The following LMX1B variants were observed in gnomAD, a reference collection of about 807,000 sequenced individuals.
The protein encoded by LMX1B is LIM homeobox transcription factor 1 beta, also known as LIM homeobox transcription factor 1-beta.
In LMX1B, 12 loss-of-function variants were observed where a neutral mutation model predicts 51.4. The observed-to-expected ratio is 0.23, with a 90% CI of 0.15 to 0.38. LMX1B has a LOEUF of 0.38. LMX1B is among the 10% of genes least tolerant of loss of function. The pLI is 1.00. For synonymous variants in LMX1B, 237 were observed against 235.4 expected (o/e 1.01, Z -0.06); for missense variants, 445 against 571.1 (o/e 0.78, Z 2.25).
At chr9:126,624,182 C>G (rs1330125149) in intron 2 of LMX1B, among the ~76,000 whole-genome samples, 2 of 152,228 alleles carry the variant, frequency 1.3e-5, no homozygotes, top group African/African-American at 4.8e-5. Context: ...GTCCAGGGCC[C>G]TGCAGCAGCT....
Position 126,699,827 on chromosome 9 carries a change from G to A in LMX1B, c.*3376G>A, listed in dbSNP as rs2030479698. On this transcript the variant is annotated 3_prime_UTR_variant, in exon 8 of 8. Coordinates refer to ENST00000373474, the MANE Select transcript of LMX1B (RefSeq NM_001174147.2). ...GCAACCTTCTCCCACTTTATGGGAG[G>A]AGCTGCAGCCTTGGCTGGGAGCTGG... The A allele has an allele frequency of 6.6e-6, 1 of 152,344 alleles. No individual in the cohort carries two copies. The highest frequency in any genetic ancestry group is 2.1e-4 in the South Asian group (1 of 4,832). The allele number at this position is 152,344 out of a possible 1,614,324, so 9.4% of individuals were successfully genotyped here.
At chr9:126,624,154 G>T (rs908962344) in intron 2 of LMX1B, among the ~76,000 whole-genome samples, 1 of 152,232 alleles carries the variant, frequency 6.6e-6, no homozygotes, top group Non-Finnish European at 1.5e-5. Flanking sequence ...CCTGGGACGC[G>T]CTAGGCTGAA....
chr9:126,617,276 C>G (rs1835320658), intron 2 of LMX1B, among the ~76,000 whole-genome samples: 1 of 151,898 alleles, frequency 6.6e-6, no homozygotes, highest in Non-Finnish European at 1.5e-5. Context: ...TGCCTGATCC[C>G]GAGCTCTGGC....
Position 126,676,074 on chromosome 9 carries a change from T to A in LMX1B, c.327-14762T>A, listed in dbSNP as rs1271692305. Among the ~76,000 whole-genome samples the A allele has an allele frequency of 2.0e-5, 3 of 150,808 alleles. No individual in the cohort carries two copies. The East Asian group carries it at 5.8e-4, about 29-fold the overall frequency. On this transcript the variant is annotated intron_variant, in intron 2 of 7. Coordinates refer to ENST00000373474, the MANE Select transcript of LMX1B (RefSeq NM_001174147.2). ...AAAAAAAAAAAAAAAAAATGTTCAG[T>A]AGACAGTGTGTAAGACCCTGCACAC... is the stretch of plus-strand genomic sequence containing the variant.
intron 2 of LMX1B, among the ~76,000 whole-genome samples, chr9:126,620,766 C>T (rs1333612395): frequency 6.6e-6 from 1 of 152,070 alleles, no homozygotes; most frequent in Admixed American, 6.5e-5. Context: ...GTATTTCCAC[C>T]GGGAAACAAT....
intron 2 of LMX1B, among the ~76,000 whole-genome samples, chr9:126,662,112 C>A (rs947366042): frequency 6.6e-6 from 1 of 152,200 alleles, no homozygotes; most frequent in Non-Finnish European, 1.5e-5. Context: ...AGACACAGGG[C>A]TGCTGCTACC....
chr9:126,648,906 C>T (rs767873949), intron 2 of LMX1B, among the ~76,000 whole-genome samples: 1 of 152,164 alleles, frequency 6.6e-6, no homozygotes, highest in African/African-American at 2.4e-5. Flanking sequence ...CAGAGCTCCA[C>T]CCGGATCAGG....
rs1564144996 is a variant in LMX1B at position 126,618,887 on chromosome 9, C to A, written c.326+3318C>A. On this transcript the variant is annotated intron_variant, in intron 2 of 7. Transcript: ENST00000373474. The surrounding 1 kb of genome is among the most constrained non-coding windows in gnomAD (Gnocchi z 4.5). ...CTCCCAGGTTTGGCGACCCGAGACC[C>A]GCTGGGGTGCAAGCGGGCGCCTTTG... Among the ~76,000 whole-genome samples the A allele has an allele frequency of 6.6e-6, 1 of 152,004 alleles. No individual in the cohort carries two copies.
At position 126,626,181 on chromosome 9, in the gene LMX1B, T is replaced by C. The variant is rs1835526347; in HGVS notation, c.326+10612T>C. On this transcript the variant is annotated intron_variant, in intron 2 of 7. Transcript: ENST00000373474. The surrounding 1 kb of genome is among the most constrained non-coding windows in gnomAD (Gnocchi z 4.3). Reference sequence around the variant, plus strand: ...ATTAGAACTCGTAGAGGATCCGCTCTGGAGTCCCCGTGCGCCCTGGCAGAG... The same window carrying C: ...ATTAGAACTCGTAGAGGATCCGCTCCGGAGTCCCCGTGCGCCCTGGCAGAG... 6.6e-6 allele frequency among the ~76,000 whole-genome samples: 1 copy of C among 152,180 alleles called. No homozygotes were observed. The highest frequency in any genetic ancestry group is 6.5e-5 in the Admixed American group (1 of 15,280).
intron 2 of LMX1B, among the ~76,000 whole-genome samples, chr9:126,664,067 T>C (rs1041893398): frequency 1.3e-5 from 2 of 152,152 alleles, no homozygotes; most frequent in Non-Finnish European, 2.9e-5. Context: ...TGTGCCAGGC[T>C]CTTGTCTCCC....
intron 2 of LMX1B, among the ~76,000 whole-genome samples, chr9:126,632,538 G>A (rs1026431197): frequency 1.3e-5 from 2 of 152,220 alleles, no homozygotes; most frequent in African/African-American, 4.8e-5. Flanking sequence ...TTATTGGACA[G>A]GGGAGTGACA....
At chr9:126,644,020 GTC>G (rs1835854632) in intron 2 of LMX1B, among the ~76,000 whole-genome samples, 2 of 152,210 alleles carry the variant, frequency 1.3e-5, no homozygotes, top group Non-Finnish European at 2.9e-5. Context: ...CACCAAGGGA[GTC>G]TCAGTCACTG....
chr9:126,637,602 G>A (rs922491267), intron 2 of LMX1B, among the ~76,000 whole-genome samples: 1 of 152,050 alleles, frequency 6.6e-6, no homozygotes, highest in Non-Finnish European at 1.5e-5. Flanking sequence ...TGGGAAGGGC[G>A]TGCACCTGTG....
At chr9:126,686,293 A>G (rs1836768282) in intron 2 of LMX1B, among the ~76,000 whole-genome samples, 1 of 151,830 alleles carries the variant, frequency 6.6e-6, no homozygotes, top group African/African-American at 2.4e-5. Flanking sequence ...AAAAAAAAAA[A>G]AAAGAAATTA....
intron 2 of LMX1B, among the ~76,000 whole-genome samples, chr9:126,678,690 G>A (rs1836618003): frequency 6.6e-6 from 1 of 152,110 alleles, no homozygotes; most frequent in Admixed American, 6.6e-5. Context: ...ATGTGTCACT[G>A]GCCACAAATT....
In LMX1B at chr9:126,615,089, G is replaced by T. The variant is rs531809837; in HGVS notation, c.140-294G>T. ...TGGTCCCAGCCGGCCACCCTGCGCCGTGCTCGTTGTCATTTGTCTTAACAC... is the reference window on the plus strand; with the variant it reads ...TGGTCCCAGCCGGCCACCCTGCGCCTTGCTCGTTGTCATTTGTCTTAACAC... On this transcript the variant is annotated intron_variant, in intron 1 of 7. Transcript: ENST00000373474. The surrounding 1 kb of genome is among the most constrained non-coding windows in gnomAD (Gnocchi z 6.0). Among the ~76,000 whole-genome samples, 29 of 152,146 alleles carry T rather than the reference G, an allele frequency of 1.9e-4. No homozygotes were observed. The highest frequency in any genetic ancestry group is 2.9e-4 in the Non-Finnish European group (20 of 67,974).
intron 2 of LMX1B, among the ~76,000 whole-genome samples, chr9:126,644,365 T>C (rs7858338): frequency 0.24 from 36,889 of 152,056 alleles, 4,716 homozygotes; most frequent in Non-Finnish European, 0.26. Flanking sequence ...TAAGCTTTAA[T>C]GGCCAGCAGA....
chr9:126,624,666 GT>G (rs67202253), intron 2 of LMX1B, among the ~76,000 whole-genome samples: 137,582 of 146,370 alleles, frequency 0.94, 64,753 homozygotes, highest in South Asian at 0.98. Flanking sequence ...TTTTTATCTT[GT>G]TTTTTTTTTT....
At chr9:126,669,907 C>T (rs994516120) in intron 2 of LMX1B, among the ~76,000 whole-genome samples, 3 of 152,156 alleles carry the variant, frequency 2.0e-5, no homozygotes, top group Admixed American at 6.5e-5. Flanking sequence ...ACAGGAACCA[C>T]AGTGGCCATG....
Sources: gnomAD v4.1 joint callset for allele counts (sites outside exome capture counted in the v4.1 genomes callset) on GRCh38, gnomAD v4.1.1 for gene constraint, Gnocchi (gnomAD v3.1) non-coding constraint, MANE v1.5 for transcripts, NCBI Gene and HGNC (gene_info 2026-07-23, HGNC 2026-07-21) for gene names.